CACNG2: variants seen among roughly 807,000 people sequenced by gnomAD.
CACNG2 encodes the protein voltage-dependent calcium channel gamma-2 subunit.
In CACNG2, 3 loss-of-function variants were observed where a neutral mutation model predicts 25.9. The ratio of observed to expected loss-of-function variants is 0.12; its 90% CI spans 0.05 to 0.30. The LOEUF is 0.30. Ranked by LOEUF, CACNG2 falls within the 10% of genes least tolerant of loss-of-function variation. The pLI, the probability that CACNG2 is intolerant of heterozygous loss-of-function variation, is 1.00. For synonymous variants in CACNG2, 167 were observed against 173.3 expected, an observed-to-expected ratio of 0.96 and a Z score of 0.29; for missense variants, 341 against 432.5, an observed-to-expected ratio of 0.79 and a Z score of 1.88.
chr22:36,697,003 G>A (rs1216348546), intron 1 of CACNG2, among the ~76,000 whole-genome samples: 2 of 152,186 alleles, frequency 1.3e-5, no homozygotes, highest in Non-Finnish European at 2.9e-5. Context: ...GAAAACTTCT[G>A]TGAGTTACGT....
At chr22:36,575,793 T>A (rs1455822573) in intron 2 of CACNG2, among the ~76,000 whole-genome samples, 1 of 152,160 alleles carries the variant, frequency 6.6e-6, no homozygotes, top group Non-Finnish European at 1.5e-5. Flanking sequence ...TGAATCAAAA[T>A]AGTCACCGTA....
chr22:36,650,733 T>G (rs1402829406), intron 1 of CACNG2, among the ~76,000 whole-genome samples: 1 of 152,188 alleles, frequency 6.6e-6, no homozygotes, highest in African/African-American at 2.4e-5. Context: ...TTGGCCACGC[T>G]GATCTTGAAC....
intron 1 of CACNG2, among the ~76,000 whole-genome samples, chr22:36,652,938 A>T (rs1292854780): frequency 6.6e-6 from 1 of 152,216 alleles, no homozygotes; most frequent in Non-Finnish European, 1.5e-5. Context: ...GTCAGAAGAC[A>T]GTCCCCATGC....
intron 2 of CACNG2, among the ~76,000 whole-genome samples, chr22:36,579,515 T>G (rs952391625): frequency 1.3e-5 from 2 of 151,974 alleles, no homozygotes; most frequent in East Asian, 3.9e-4. Context: ...ACCTGCCTTT[T>G]GAGCCTGGAG....
intron 1 of CACNG2, among the ~76,000 whole-genome samples, chr22:36,610,178 C>T (rs1935916294): frequency 6.6e-6 from 1 of 151,502 alleles, no homozygotes; most frequent in South Asian, 2.1e-4. Flanking sequence ...AGGAATCAGT[C>T]CCCCAGAGAG....
intron 1 of CACNG2, among the ~76,000 whole-genome samples, chr22:36,590,499 C>G (rs145035879): frequency 6.6e-6 from 1 of 152,120 alleles, no homozygotes; most frequent in Non-Finnish European, 1.5e-5. Context: ...TCTCTTCCTC[C>G]TCCCTGCAGG....
At chr22:36,638,641 C>A (rs1936395884) in intron 1 of CACNG2, among the ~76,000 whole-genome samples, 1 of 152,136 alleles carries the variant, frequency 6.6e-6, no homozygotes, top group African/African-American at 2.4e-5. Context: ...TAGTACCCTG[C>A]ACTCTTTACT....
intron 1 of CACNG2, among the ~76,000 whole-genome samples, chr22:36,590,305 A>C (rs892887430): frequency 6.6e-6 from 1 of 152,172 alleles, no homozygotes. Context: ...CCTCTCCTTG[A>C]GGCCTGGACC....
At chr22:36,682,641 GAAT>G (rs1432019782) in intron 1 of CACNG2, among the ~76,000 whole-genome samples, 2 of 152,012 alleles carry the variant, frequency 1.3e-5, no homozygotes, top group Non-Finnish European at 2.9e-5. Flanking sequence ...GCATAAACAA[GAAT>G]AATAACAACA....
intron 1 of CACNG2, among the ~76,000 whole-genome samples, chr22:36,594,680 C>T (rs569237752): frequency 3.3e-5 from 5 of 151,480 alleles, no homozygotes; most frequent in South Asian, 2.1e-4. Context: ...CGTGTATGCC[C>T]GCGTGTGTGT....
chr22:36,673,902 A>G (rs904875031), intron 1 of CACNG2, among the ~76,000 whole-genome samples: 2 of 152,206 alleles, frequency 1.3e-5, no homozygotes, highest in Non-Finnish European at 2.9e-5. Context: ...AGAGGCAGCA[A>G]TGTGCGTCAG....
intron 1 of CACNG2, among the ~76,000 whole-genome samples, chr22:36,635,685 C>T (rs1936346877): frequency 6.6e-6 from 1 of 152,126 alleles, no homozygotes; most frequent in Non-Finnish European, 1.5e-5. Flanking sequence ...TCCCGTATCT[C>T]CAACTCCCTA....
intron 1 of CACNG2, among the ~76,000 whole-genome samples, chr22:36,623,148 G>A (rs1771404030): frequency 6.7e-6 from 1 of 149,722 alleles, no homozygotes; most frequent in Non-Finnish European, 1.5e-5. Context: ...AGCCTCCTGA[G>A]TAGCTGGGAT....
rs113843048 is a variant in CACNG2, at chr22:36,625,692, C to T, written c.212-38144G>A. Among the ~76,000 whole-genome samples, 836 of 152,226 alleles carry T rather than the reference C, an allele frequency of 5.5e-3. 11 individuals carry two copies. Among genetic ancestry groups the T allele is most frequent in the African/African-American group, 0.019 (800 of 41,532 alleles). ...TAAAGTAGCTCAGCTTTGGAGAAAT[C>T]GTGTTTATCTTTAACTACAGTTTAA... On this transcript the variant is annotated intron_variant, in intron 1 of 3. Transcript: ENST00000300105.
At chr22:36,617,418 G>A (rs1936039040) in intron 1 of CACNG2, among the ~76,000 whole-genome samples, 1 of 151,924 alleles carries the variant, frequency 6.6e-6, no homozygotes, top group South Asian at 2.1e-4. Flanking sequence ...GCTCAGAGGA[G>A]GGAACTAAAT....
rs760100050 is a variant in CACNG2 at position 36,564,860 on chromosome 22, C to T, written c.463G>A (p.Val155Met). ...AGLSNIIGII[V>M]YISANAGDPS... ...TCTCCGGCATTGGCAGATATGTACA[C>T]TATGATGCCAATGATGTTACTCAGA... Residue 155 changes from valine (V) to methionine (M), a missense_variant, in exon 4 of 4, where the codon GTG (valine) becomes ATG (methionine). Val to Met is a conservative substitution (Grantham distance 21). Coordinates refer to ENST00000300105, the MANE Select transcript of CACNG2 (RefSeq NM_006078.5). This position sits in a 1 kb window ranked among gnomAD's most constrained non-coding sequence, Gnocchi z 6.7. 5 of 1,613,736 alleles carry T rather than the reference C, an allele frequency of 3.1e-6. No individual in the cohort carries two copies. The South Asian group carries it at 5.5e-5, about 18-fold the overall frequency.
Position 36,587,568 on chromosome 22 carries a change from G to A in CACNG2, c.212-20C>T. The A allele has an allele frequency of 6.3e-7, 1 of 1,576,130 alleles. No homozygotes were observed. The highest frequency in any genetic ancestry group is 8.7e-7 in the Non-Finnish European group (1 of 1,145,308). On this transcript the variant is annotated intron_variant, in intron 1 of 3. Transcript: ENST00000300105. Reference sequence around the variant, plus strand: ...AATTCCCTGCAAAACAAGGGGAGAAGGAGCACATGAAACATCATAGTTTTG... The same window carrying A: ...AATTCCCTGCAAAACAAGGGGAGAAAGAGCACATGAAACATCATAGTTTTG...
rs535677242 is a variant in CACNG2, at chr22:36,702,238, G to T, written c.211+128C>A. On this transcript the variant is annotated intron_variant, in intron 1 of 3. Coordinates refer to ENST00000300105, the MANE Select transcript of CACNG2 (RefSeq NM_006078.5). The stretch of plus-strand genomic sequence containing the variant: ...GAAACTAACCCAACCAACCTTGATT[G>T]GTGGTGGAAGGAGTGAACTAAGAAA... 7 of 670,172 alleles carry T rather than the reference G, an allele frequency of 1.0e-5. No homozygotes were observed. In the South Asian group the frequency reaches 1.1e-4, roughly 10 times the overall value. The allele number at this position is 670,172 out of a possible 1,614,324, so 41.5% of individuals were successfully genotyped here. A position where few individuals can be genotyped will look rare whatever the true frequency, so the allele number is the denominator to read the frequency against.
At chr22:36,693,716 G>T (rs1196043089) in intron 1 of CACNG2, among the ~76,000 whole-genome samples, 1 of 152,114 alleles carries the variant, frequency 6.6e-6, no homozygotes, top group Non-Finnish European at 1.5e-5. Context: ...CAACATATGG[G>T]CATCTGTTTC....
Sources: allele counts gnomAD v4.1 joint callset (sites outside exome capture counted in the v4.1 genomes callset), GRCh38; gene constraint gnomAD v4.1.1; non-coding constraint Gnocchi (gnomAD v3.1); transcripts MANE v1.5; gene names NCBI Gene and HGNC (gene_info 2026-07-23, HGNC 2026-07-21).